Variants in ASPRV1 observed in about 807,000 individuals in gnomAD.
ASPRV1 encodes the protein aspartic peptidase retroviral like 1, also known as retroviral-like aspartic protease 1.
Under a neutral mutation model 11.0 loss-of-function variants are expected in ASPRV1, and 7 were observed. That is an observed-to-expected ratio of 0.64 (90% CI 0.36 to 1.20). ASPRV1 has a LOEUF of 1.20. Ranked by LOEUF, ASPRV1 falls within the 50% of genes most tolerant of loss-of-function variation. The pLI, the probability that ASPRV1 is intolerant of heterozygous loss-of-function variation, is 0.02. For synonymous variants in ASPRV1, 136 were observed against 138.4 expected (o/e 0.98, Z 0.12); for missense variants, 299 against 320.0 (o/e 0.93, Z 0.50).
the ASPRV1 span, among the ~76,000 whole-genome samples, chr2:69,949,474 C>T: frequency 6.6e-6 from 1 of 152,068 alleles, no homozygotes; most frequent in African/African-American, 2.4e-5. Flanking sequence ...CAGTGAGGGC[C>T]ACAGAAAATA....
chr2:70,068,648 A>G, the ASPRV1 span, among the ~76,000 whole-genome samples: 1 of 152,096 alleles, frequency 6.6e-6, no homozygotes, highest in Non-Finnish European at 1.5e-5. Flanking sequence ...CCTTTCCTTC[A>G]GCCAGGCACA....
the ASPRV1 span, among the ~76,000 whole-genome samples, chr2:69,984,707 A>G: frequency 2.9e-4 from 38 of 129,012 alleles, no homozygotes; most frequent in Non-Finnish European, 4.0e-4. Context: ...TGCAACCTCT[A>G]TCTCCCAGGT....
the ASPRV1 span, among the ~76,000 whole-genome samples, chr2:69,968,774 C>T: frequency 6.6e-6 from 1 of 152,208 alleles, no homozygotes; most frequent in Admixed American, 6.5e-5. Flanking sequence ...GTCTTGGGCA[C>T]TGGAACCCCT....
At chr2:70,002,752 T>G in the ASPRV1 span, among the ~76,000 whole-genome samples, 1 of 152,218 alleles carries the variant, frequency 6.6e-6, no homozygotes, top group Admixed American at 6.5e-5. Flanking sequence ...CTTCACATCT[T>G]TGCTGTTGGA....
At chr2:70,007,689 T>A in the ASPRV1 span, among the ~76,000 whole-genome samples, 1 of 152,152 alleles carries the variant, frequency 6.6e-6, no homozygotes, top group Non-Finnish European at 1.5e-5. Flanking sequence ...AAGAGCTATG[T>A]ATAAATAGCT....
the ASPRV1 span, among the ~76,000 whole-genome samples, chr2:70,020,119 G>C: frequency 2.0e-5 from 3 of 152,176 alleles, no homozygotes; most frequent in African/African-American, 7.2e-5. Flanking sequence ...TGGGGAAATT[G>C]AACCCCTCAT....
the ASPRV1 span, among the ~76,000 whole-genome samples, chr2:70,005,249 G>T: frequency 6.6e-6 from 1 of 152,024 alleles, no homozygotes; most frequent in East Asian, 1.9e-4. Context: ...TTGTGGAGAC[G>T]GGGTTTCCCT....
the ASPRV1 span, among the ~76,000 whole-genome samples, chr2:70,035,871 T>A: frequency 8.0e-4 from 118 of 147,240 alleles, 1 homozygote; most frequent in Non-Finnish European, 1.1e-3. Flanking sequence ...CTTCACAAAA[T>A]TTTTTTTTTT....
At chr2:70,025,116 T>A in the ASPRV1 span, among the ~76,000 whole-genome samples, 4 of 152,244 alleles carry the variant, frequency 2.6e-5, no homozygotes, top group Non-Finnish European at 5.9e-5. Context: ...TACCAGCTTA[T>A]AACCACTTGT....
chr2:69,960,956 C>A lies in ASPRV1; in HGVS notation c.481G>T (p.Val161Leu). 6.2e-7 allele frequency: 1 copy of A among 1,614,106 alleles called. No homozygotes were observed. ...TLQPFENVVKVANGAEMKILG... is the reference protein window; with the variant it reads ...TLQPFENVVKLANGAEMKILG... ...ATCTTCATTTCAGCACCATTGGCCA[C>A]CTTTACCACATTCTCAAAGGGCTGC... is the stretch of plus-strand genomic sequence containing the variant. The change falls in exon 1 of 1, where the codon GTG becomes TTG. Residue 161 changes from valine to leucine, a missense_variant. Coordinates refer to ENST00000320256, the MANE Select transcript of ASPRV1 (RefSeq NM_152792.4).
the ASPRV1 span, among the ~76,000 whole-genome samples, chr2:70,023,140 A>G: frequency 6.6e-6 from 1 of 152,234 alleles, no homozygotes; most frequent in Admixed American, 6.5e-5. Flanking sequence ...GCAGGGCCTG[A>G]TAAGTAGTCC....
the ASPRV1 span, among the ~76,000 whole-genome samples, chr2:70,018,294 A>G: frequency 6.6e-6 from 1 of 152,140 alleles, no homozygotes; most frequent in Non-Finnish European, 1.5e-5. Context: ...CAAAACATGG[A>G]AAGATATGCT....
At chr2:69,956,467 G>C (rs1677940279), downstream of ASPRV1, among the ~76,000 whole-genome samples, 1 of 150,390 alleles carries the variant, frequency 6.6e-6, no homozygotes, top group African/African-American at 2.5e-5. Context: ...AGAAGAAGAA[G>C]AAGAAGAAGA....
At chr2:70,035,158 C>T in the ASPRV1 span, among the ~76,000 whole-genome samples, 2 of 152,154 alleles carry the variant, frequency 1.3e-5, no homozygotes, top group African/African-American at 2.4e-5. Context: ...AAAGTAGGGG[C>T]CCTCTCTGGG....
the ASPRV1 span, chr2:70,077,445 A>G: frequency 3.3e-5 from 5 of 152,346 alleles, no homozygotes; most frequent in South Asian, 2.1e-4. Flanking sequence ...GCAATATTCT[A>G]AAGTCTTTGT....
the ASPRV1 span, among the ~76,000 whole-genome samples, chr2:69,968,678 T>C: frequency 6.6e-6 from 1 of 152,196 alleles, no homozygotes. Flanking sequence ...AAGTAAATAA[T>C]AAGTAAGCAA....
the ASPRV1 span, among the ~76,000 whole-genome samples, chr2:70,007,596 AT>A: frequency 6.6e-6 from 1 of 151,644 alleles, no homozygotes; most frequent in African/African-American, 2.4e-5. Flanking sequence ...TATATATATA[AT>A]AGAAAAATTG....
At chr2:69,968,742 T>C in the ASPRV1 span, among the ~76,000 whole-genome samples, 1 of 152,202 alleles carries the variant, frequency 6.6e-6, no homozygotes, top group Non-Finnish European at 1.5e-5. Context: ...GGCCCACTCC[T>C]GGGCCGTCTG....
At chr2:70,069,724 T>C in the ASPRV1 span, among the ~76,000 whole-genome samples, 1 of 152,122 alleles carries the variant, frequency 6.6e-6, no homozygotes, top group Non-Finnish European at 1.5e-5. Context: ...ATAATGGCCC[T>C]CTCAATGGAG....
Sources: gnomAD v4.1 joint callset for allele counts (sites outside exome capture counted in the v4.1 genomes callset) on GRCh38, gnomAD v4.1.1 for gene constraint, MANE v1.5 for transcripts, NCBI Gene and HGNC (gene_info 2026-07-23, HGNC 2026-07-21) for gene names.